The following FAAH2 variants were observed in gnomAD, a reference collection of about 807,000 sequenced individuals.
FAAH2 encodes the protein fatty acid amide hydrolase 2.
In FAAH2, 60 loss-of-function variants were observed where a neutral mutation model predicts 36.9. The ratio of observed to expected loss-of-function variants is 1.63; its 90% confidence interval spans 1.32 to 2.02. The LOEUF is 2.02. Among genes scored for constraint, FAAH2 ranks in the 30% most tolerant of loss-of-function variants. FAAH2 has a pLI of 0.00. For missense variants in FAAH2, 689 were observed against 397.5 expected, an observed-to-expected ratio of 1.73 and a Z score of -6.23; for synonymous variants, 214 against 143.8, an observed-to-expected ratio of 1.49 and a Z score of -3.49.
the FAAH2 span, among the ~76,000 whole-genome samples, chrX:57,161,838 A>T: frequency 1.4e-3 from 157 of 111,632 alleles, 4 homozygotes; most frequent in East Asian, 0.036. Context: ...TGTCTTTTAA[A>T]TGGAGCATTT....
chrX:57,231,331 T>A, the FAAH2 span, among the ~76,000 whole-genome samples: 1 of 110,618 alleles, frequency 9.0e-6, no homozygotes, highest in South Asian at 3.8e-4. Context: ...AGTACAGATC[T>A]TCCTCTCACG....
intron 7 of FAAH2, among the ~76,000 whole-genome samples, chrX:57,420,658 A>G (rs1243468221): frequency 1.8e-5 from 2 of 109,055 alleles, no homozygotes; most frequent in Non-Finnish European, 3.8e-5. Context: ...CAATCATGTC[A>G]TCTGCAAACA....
the FAAH2 span, among the ~76,000 whole-genome samples, chrX:57,181,301 TTC>T: frequency 1.8e-5 from 2 of 111,669 alleles, no homozygotes; most frequent in East Asian, 5.6e-4. Context: ...GTGAAAGTAT[TTC>T]TGTTTGCAGA....
At chrX:57,192,133 A>C in the FAAH2 span, among the ~76,000 whole-genome samples, 1 of 111,349 alleles carries the variant, frequency 9.0e-6, no homozygotes, top group Non-Finnish European at 1.9e-5. Context: ...TGTTCTTTTC[A>C]ATTTTTTTTA....
chrX:57,418,672 T>C (rs1204499420), intron 7 of FAAH2, among the ~76,000 whole-genome samples: 1 of 106,575 alleles, frequency 9.4e-6, no homozygotes, highest in Non-Finnish European at 1.9e-5. Context: ...GCTGTTCCTA[T>C]TTGACCATCT....
the FAAH2 span, among the ~76,000 whole-genome samples, chrX:57,236,341 A>G: frequency 8.0e-5 from 9 of 112,332 alleles, no homozygotes; most frequent in African/African-American, 2.9e-4. Context: ...TGATTTAAAT[A>G]TCTTTCCATA....
At chrX:57,374,156 C>T (rs1041110045) in intron 5 of FAAH2, among the ~76,000 whole-genome samples, 1 of 111,498 alleles carries the variant, frequency 9.0e-6, no homozygotes, top group Non-Finnish European at 1.9e-5. Flanking sequence ...TGTGTTGCCT[C>T]CAGGTTTATG....
intron 8 of FAAH2, among the ~76,000 whole-genome samples, chrX:57,444,516 C>A (rs1461097652): frequency 9.0e-6 from 1 of 111,562 alleles, no homozygotes; most frequent in Non-Finnish European, 1.9e-5. Context: ...TCATGGCTTC[C>A]CTTGGCTAGG....
chrX:57,395,920 G>A (rs1364600895), intron 7 of FAAH2, among the ~76,000 whole-genome samples: 1 of 111,861 alleles, frequency 8.9e-6, no homozygotes, highest in East Asian at 2.8e-4. Flanking sequence ...AAGTAAGATT[G>A]GGACAAGTTT....
intron 3 of FAAH2, 89 bp downstream of exon 3, chrX:57,310,818 G>A (rs2052671626): frequency 7.2e-5 from 70 of 966,855 alleles, no homozygotes; most frequent in Non-Finnish European, 9.7e-5. Flanking sequence ...TGGTATAAAA[G>A]TGAAGGACAA....
At chrX:57,361,698 C>T (rs2054290089) in intron 5 of FAAH2, among the ~76,000 whole-genome samples, 1 of 110,855 alleles carries the variant, frequency 9.0e-6, no homozygotes, top group Admixed American at 9.6e-5. Context: ...TTCTTTGTAG[C>T]CCAATATGTG....
chrX:57,342,997 T>A (rs1016365614), intron 5 of FAAH2, among the ~76,000 whole-genome samples: 5 of 112,029 alleles, frequency 4.5e-5, no homozygotes, highest in Admixed American at 1.9e-4. Context: ...GGTGTAAAGG[T>A]ACTACATATT....
At chrX:57,198,726 A>G in the FAAH2 span, among the ~76,000 whole-genome samples, 1 of 112,458 alleles carries the variant, frequency 8.9e-6, no homozygotes, top group South Asian at 3.7e-4. Flanking sequence ...TTGGTGATAA[A>G]CTTAGAAATG....
chrX:57,339,087 T>C (rs1450052745), intron 4 of FAAH2, among the ~76,000 whole-genome samples: 4 of 111,118 alleles, frequency 3.6e-5, no homozygotes, highest in Non-Finnish European at 7.5e-5. Context: ...TGGAGTAGAA[T>C]AGACAACTCA....
rs945799018 is a variant in FAAH2 at position 57,379,610 on chromosome X, C to A, written c.878+824C>A. 3.7e-5 allele frequency among the ~76,000 whole-genome samples: 4 copies of A among 109,502 alleles called. No homozygotes were observed. In the South Asian group the frequency reaches 1.6e-3, roughly 43 times the overall value. On this transcript the variant is annotated intron_variant, in intron 6 of 10. Coordinates refer to ENST00000374900, the MANE Select transcript of FAAH2 (RefSeq NM_174912.4). ...CATTATTATTAAGCATCCTAAGTGT[C>A]TCTCATCTTAAAAAGAGACAACATT...
At chrX:57,475,271 T>C (rs182304673) in intron 10 of FAAH2, among the ~76,000 whole-genome samples, 419 of 112,094 alleles carry the variant, frequency 3.7e-3, no homozygotes, top group African/African-American at 0.012. Flanking sequence ...TATTTGCCCA[T>C]GCCTATGTCC....
At chrX:57,415,914 T>C (rs1255906233) in intron 7 of FAAH2, among the ~76,000 whole-genome samples, 1 of 111,678 alleles carries the variant, frequency 9.0e-6, no homozygotes, top group Non-Finnish European at 1.9e-5. Context: ...TGCTCCTGTA[T>C]TGGGTGCATA....
At chrX:57,216,623 C>CCAAA in the FAAH2 span, among the ~76,000 whole-genome samples, 1 of 49,951 alleles carries the variant, frequency 2.0e-5, no homozygotes, top group Non-Finnish European at 4.5e-5. Flanking sequence ...TATATATATA[C>CCAAA]GTATATATAT....
At chrX:57,165,195 T>C in the FAAH2 span, among the ~76,000 whole-genome samples, 1 of 112,105 alleles carries the variant, frequency 8.9e-6, no homozygotes, top group African/African-American at 3.2e-5. Context: ...ACTGGGTATA[T>C]ACCCAAAGGA....
Sources: allele counts gnomAD v4.1 joint callset (sites outside exome capture counted in the v4.1 genomes callset), GRCh38; gene constraint gnomAD v4.1.1; transcripts MANE v1.5; gene names NCBI Gene and HGNC (gene_info 2026-07-23, HGNC 2026-07-21).